The following PCDHA6 variants were observed in gnomAD, a reference collection of about 807,000 sequenced individuals.
PCDHA6 encodes the protein protocadherin alpha 6.
PCDHA6 carries 55 observed loss-of-function variants against 60.3 expected under a neutral mutation model. That is an observed-to-expected ratio of 0.91 (90% CI 0.73 to 1.14). The LOEUF (loss-of-function observed/expected upper bound fraction) is 1.14, where lower values mean the gene tolerates loss of function less well. Among genes scored for constraint, PCDHA6 ranks in the 50% most tolerant of loss-of-function variants. The probability of loss-of-function intolerance (pLI) is 0.00; values close to 1 mark genes in which losing one functional copy is unlikely to be tolerated. For missense variants in PCDHA6, 1,327 were observed against 1,256.5 expected, an observed-to-expected ratio of 1.06 and a Z score of -0.85; for synonymous variants, 652 against 557.9, an observed-to-expected ratio of 1.17 and a Z score of -2.38.
At position 140,856,169 on chromosome 5, in the gene PCDHA6, G is replaced by T. The variant is rs200441286; in HGVS notation, c.2394+25684G>T. ...CTCAGTCTACGAGGAGGCCAGACACGGCACCTTCGTGGGCCGCATCGCGCA... is the reference window on the plus strand; with the variant it reads ...CTCAGTCTACGAGGAGGCCAGACACTGCACCTTCGTGGGCCGCATCGCGCA... On this transcript the variant is annotated intron_variant, in intron 1 of 3. Transcript: ENST00000529310. 11 of 1,598,346 alleles carry T rather than the reference G, an allele frequency of 6.9e-6. 2 individuals are homozygous for T. Among genetic ancestry groups the T allele is most frequent in the Admixed American group, 1.7e-5 (1 of 59,282 alleles).
At chr5:140,834,669 T>C in intron 1 of PCDHA6, 3 of 1,614,208 alleles carry the variant, frequency 1.9e-6, no homozygotes, top group South Asian at 1.1e-5. Context: ...CGAGGAGCTG[T>C]GCGGGCGGAG....
At chr5:140,843,076 G>C in intron 1 of PCDHA6, 1 of 1,595,332 alleles carries the variant, frequency 6.3e-7, no homozygotes, top group South Asian at 1.1e-5. Context: ...CGCGGTCTGT[G>C]GGCGCGGGCC....
chr5:140,849,568 C>T (rs2040965455), intron 1 of PCDHA6: 1 of 1,598,504 alleles, frequency 6.3e-7, no homozygotes, highest in Non-Finnish European at 8.6e-7. Context: ...CTCTCGGTTC[C>T]TGTAAAAGAG....
At chr5:140,985,487 A>C (rs1554247112) in intron 3 of PCDHA6, among the ~76,000 whole-genome samples, 1 of 152,162 alleles carries the variant, frequency 6.6e-6, no homozygotes, top group Non-Finnish European at 1.5e-5. Context: ...TCCAGACTCA[A>C]ATAGAGCCTG....
chr5:140,959,876 G>A (rs1335764869), intron 1 of PCDHA6, among the ~76,000 whole-genome samples: 1 of 152,134 alleles, frequency 6.6e-6, no homozygotes. Context: ...ATCTGTCAAG[G>A]AATACACGAG....
rs781924329 is a variant in PCDHA6, at chr5:140,856,796, A to T, written c.2394+26311A>T. 42 of 1,595,540 alleles carry T rather than the reference A, an allele frequency of 2.6e-5. 2 individuals carry two copies. The highest frequency in any genetic ancestry group is 1.8e-4 in the South Asian group (16 of 90,506). ...TGACAGACCGGTTTATGAAGTTAAG[A>T]TGTATGAAAATCAAGTGAACCAAAC... On this transcript the variant is annotated intron_variant, in intron 1 of 3. Transcript: ENST00000529310.
At chr5:140,942,601 GT>G (rs1453167051) in intron 1 of PCDHA6, among the ~76,000 whole-genome samples, 1 of 130,480 alleles carries the variant, frequency 7.7e-6, no homozygotes, top group Non-Finnish European at 1.6e-5. Flanking sequence ...TAATTATAGT[GT>G]TTATATTTGC....
rs369536692 is a variant in PCDHA6 at position 140,876,705 on chromosome 5, C to T, written c.2394+46220C>T. The T allele has an allele frequency of 2.0e-5, 33 of 1,614,240 alleles. No individual in the cohort carries two copies. In the African/African-American group the frequency reaches 3.3e-4, roughly 16 times the overall value. ...ATTACTACTCGTTGGTGCTGGACAG[C>T]GCCCTGGACCGCGAGAGCGTGTCGG... On this transcript the variant is annotated intron_variant, in intron 1 of 3. Transcript: ENST00000529310.
At chr5:140,926,590 G>A (rs2083383863) in intron 1 of PCDHA6, 1 of 296,754 alleles carries the variant, frequency 3.4e-6, no homozygotes, top group Non-Finnish European at 6.1e-6. Context: ...CTCGCGCCCG[G>A]GCGGGCGGCC....
intron 1 of PCDHA6, chr5:140,836,394 G>T (rs2150259652): frequency 6.2e-7 from 1 of 1,613,796 alleles, no homozygotes; most frequent in East Asian, 2.2e-5. Context: ...GTCGCTGGTG[G>T]AAAGCGGCCA....
At chr5:140,858,604 AT>A (rs2045515312) in intron 1 of PCDHA6, 6 of 1,276,538 alleles carry the variant, frequency 4.7e-6, no homozygotes, top group Non-Finnish European at 6.4e-6. Flanking sequence ...GAGTTTTAAA[AT>A]TTTTTTATCC....
chr5:140,906,075 C>A (rs2153492820), intron 1 of PCDHA6, among the ~76,000 whole-genome samples: 1 of 152,246 alleles, frequency 6.6e-6, no homozygotes, highest in African/African-American at 2.4e-5. Context: ...TAGATCGCAC[C>A]CACCCAGACT....
chr5:140,850,154 G>A, intron 1 of PCDHA6: 1 of 1,595,410 alleles, frequency 6.3e-7, no homozygotes, highest in Non-Finnish European at 8.6e-7. Context: ...CGCTGCAGGT[G>A]TTCGTGCTGG....
intron 1 of PCDHA6, chr5:140,842,466 A>G (rs1451214851): frequency 6.2e-7 from 1 of 1,613,794 alleles, no homozygotes; most frequent in Non-Finnish European, 8.5e-7. Context: ...TCAGGTGCCA[A>G]CGGGCAGGTG....
At chr5:140,965,371 T>C (rs1195667342) in intron 1 of PCDHA6, among the ~76,000 whole-genome samples, 9 of 152,124 alleles carry the variant, frequency 5.9e-5, no homozygotes, top group African/African-American at 1.2e-4. Flanking sequence ...AAGAGGAAAC[T>C]TGGGGACACA....
intron 3 of PCDHA6, among the ~76,000 whole-genome samples, chr5:140,992,716 G>A (rs1554253146): frequency 6.6e-6 from 1 of 152,160 alleles, no homozygotes; most frequent in African/African-American, 2.4e-5. Flanking sequence ...GCCAGTATTC[G>A]TAAATCCCAC....
At chr5:140,877,311 G>A (rs200978234) in intron 1 of PCDHA6, 2 of 1,613,852 alleles carry the variant, frequency 1.2e-6, no homozygotes, top group Admixed American at 3.3e-5. Flanking sequence ...AGTTGCAACC[G>A]GCGGCGGTCG....
chr5:140,841,277 C>T lies in PCDHA6; in HGVS notation c.2394+10792C>T. Reference sequence around the variant, plus strand: ...AGACTCTGAAAGTACAGTCGTTCATCTTTATATTAAGATAATATTTTCTGA... The same window carrying T: ...AGACTCTGAAAGTACAGTCGTTCATTTTTATATTAAGATAATATTTTCTGA... On this transcript the variant is annotated intron_variant, in intron 1 of 3. Coordinates refer to ENST00000529310, the MANE Select transcript of PCDHA6 (RefSeq NM_018909.4). 9 of 1,516,428 alleles carry T rather than the reference C, an allele frequency of 5.9e-6. 1 individual carries two copies. Among genetic ancestry groups the T allele is most frequent in the Non-Finnish European group, 8.0e-6 (9 of 1,128,112 alleles). The allele number at this position is 1,516,428 out of a possible 1,614,324, so 93.9% of individuals were successfully genotyped here. A position where few individuals can be genotyped will look rare whatever the true frequency, so the allele number is the denominator to read the frequency against.
At position 141,010,025 on chromosome 5, in the gene PCDHA6, A is replaced by T; in HGVS notation, c.*88A>T. On this transcript the variant is annotated 3_prime_UTR_variant, in exon 4 of 4. Coordinates refer to ENST00000529310, the MANE Select transcript of PCDHA6 (RefSeq NM_018909.4). ...TAGCAATTCCCTGCTCCTTTTTCCT[A>T]TCTACATGAGCCCTCTTAGAGACCT... The T allele has an allele frequency of 6.4e-7, 1 of 1,573,940 alleles. No homozygotes were observed. The highest frequency in any genetic ancestry group is 1.2e-5 in the South Asian group (1 of 82,592).
Sources: allele counts gnomAD v4.1 joint callset (sites outside exome capture counted in the v4.1 genomes callset), GRCh38; gene constraint gnomAD v4.1.1; transcripts MANE v1.5; gene names NCBI Gene and HGNC (gene_info 2026-07-23, HGNC 2026-07-21).